Variants in LAMC3 observed in about 807,000 individuals in gnomAD.
LAMC3 encodes the protein laminin subunit gamma 3.
LAMC3 carries 128 observed loss-of-function variants against 173.8 expected under a neutral mutation model. That is an observed-to-expected ratio of 0.74 (90% CI 0.64 to 0.85). The LOEUF is 0.85. Among genes scored for constraint, LAMC3 ranks in the 40% least tolerant of loss-of-function variants. LAMC3 has a pLI of 0.00. For synonymous variants in LAMC3, 897 were observed against 909.1 expected (o/e 0.99, Z 0.24); for missense variants, 2,022 against 2,156.0 (o/e 0.94, Z 1.23).
intron 11 of LAMC3, 30 bp downstream of exon 11, chr9:131,052,995 C>T (rs1337013143): frequency 2.0e-6 from 3 of 1,509,332 alleles, no homozygotes; most frequent in Non-Finnish European, 2.8e-6. Flanking sequence ...TGCCCAAGAC[C>T]CGAGTGCTTG....
intron 11 of LAMC3, among the ~76,000 whole-genome samples, chr9:131,054,013 A>C (rs1834349552): frequency 9.3e-6 from 1 of 107,074 alleles, no homozygotes; most frequent in African/African-American, 2.6e-5. Context: ...TAAAAAAAAA[A>C]AAACAAAACA....
chr9:131,030,485 C>A (rs191844580), intron 2 of LAMC3, among the ~76,000 whole-genome samples: 26 of 152,314 alleles, frequency 1.7e-4, no homozygotes, highest in African/African-American at 6.3e-4. Context: ...GGCAGACCAG[C>A]CTCGTGGTTA....
chr9:131,070,367 A>G (rs1033163786), intron 17 of LAMC3, among the ~76,000 whole-genome samples: 17 of 152,216 alleles, frequency 1.1e-4, no homozygotes, highest in African/African-American at 4.1e-4. Flanking sequence ...CCTTTTCTAG[A>G]AACCAGTGGG....
At chr9:131,050,594 C>T (rs573249729) in intron 9 of LAMC3, among the ~76,000 whole-genome samples, 26 of 152,106 alleles carry the variant, frequency 1.7e-4, no homozygotes, top group African/African-American at 3.4e-4. Flanking sequence ...GGTGAAACCT[C>T]GTCTCTACTA....
intron 7 of LAMC3, among the ~76,000 whole-genome samples, chr9:131,043,268 G>A (rs73550448): frequency 0.022 from 3,350 of 152,332 alleles, 124 homozygotes; most frequent in African/African-American, 0.077. Context: ...CCAAGCTCCA[G>A]CAGTGCGGCC....
At position 131,036,203 on chromosome 9, in the gene LAMC3, G is replaced by A. The variant is rs764097156; in HGVS notation, c.847G>A (p.Asp283Asn). 2.7e-5 allele frequency: 43 copies of A among 1,612,790 alleles called. No homozygotes were observed. The highest frequency in any genetic ancestry group is 2.5e-4 in the Admixed American group (15 of 59,996). ...CGGGCATGCCAGCGAGTGCGGCCCC[G>A]ACGTGGCAGGCCAGTTGGCCTGCCG... ...CNGHASECGPDVAGQLACRCQ... is the reference protein window; with the variant it reads ...CNGHASECGPNVAGQLACRCQ... The change falls in exon 4 of 28, where the codon GAC becomes AAC. Residue 283 changes from aspartate to asparagine, a missense_variant. Physicochemically the swap from Asp to Asn is conservative, Grantham distance 23. Coordinates refer to ENST00000361069, the MANE Select transcript of LAMC3 (RefSeq NM_006059.4).
At chr9:131,044,585 G>C (rs2133265876) in intron 7 of LAMC3, among the ~76,000 whole-genome samples, 1 of 152,322 alleles carries the variant, frequency 6.6e-6, no homozygotes, top group South Asian at 2.1e-4. Flanking sequence ...GGACCGTGGT[G>C]ATTGCACAGT....
At chr9:131,015,456 C>T (rs1430478745) in intron 1 of LAMC3, among the ~76,000 whole-genome samples, 1 of 152,144 alleles carries the variant, frequency 6.6e-6, no homozygotes, top group East Asian at 1.9e-4. Flanking sequence ...TTCCCCAGCT[C>T]ATGCCCTGGC....
At chr9:131,081,461 C>CCCTTCCTT (rs1167208892) in intron 23 of LAMC3, among the ~76,000 whole-genome samples, 4 of 144,318 alleles carry the variant, frequency 2.8e-5, no homozygotes, top group Non-Finnish European at 6.1e-5. Flanking sequence ...CTCCCTCCCT[C>CCCTTCCTT]CCTTCCTTCC....
intron 23 of LAMC3, among the ~76,000 whole-genome samples, chr9:131,081,592 TC>T (rs1453940961): frequency 4.6e-5 from 7 of 151,936 alleles, no homozygotes; most frequent in Admixed American, 2.0e-4. Flanking sequence ...CGCCTCAGCC[TC>T]CCCCAGTAGC....
At position 131,069,802 on chromosome 9, in the gene LAMC3, C is replaced by T. The variant is rs1287327402; in HGVS notation, c.3021C>T (p.Gly1007=). 1.3e-6 allele frequency: 2 copies of T among 1,594,374 alleles called. No homozygotes were observed. The highest frequency in any genetic ancestry group is 1.7e-6 in the Non-Finnish European group (2 of 1,170,384). The change falls in exon 17 of 28, where the codon GGC becomes GGT. Residue 1007 remains glycine, a synonymous_variant. Transcript: ENST00000361069. ...CHDNFFLTAD[G]THCQQCPSCY... ...ACAACTTCTTCCTCACGGCAGACGG[C>T]ACACACTGCCAGCAATGTCCGTCCT... is the stretch of plus-strand genomic sequence containing the variant.
At chr9:131,039,855 C>CGA (rs773424458) in intron 6 of LAMC3, among the ~76,000 whole-genome samples, 12 of 151,646 alleles carry the variant, frequency 7.9e-5, no homozygotes, top group Non-Finnish European at 1.3e-4. Flanking sequence ...CTGGGTGCAC[C>CGA]GAGTTTGGTA....
chr9:131,048,389 T>G (rs1834216511), intron 8 of LAMC3, among the ~76,000 whole-genome samples: 1 of 152,094 alleles, frequency 6.6e-6, no homozygotes, highest in African/African-American at 2.4e-5. Context: ...GTCTGCAAAC[T>G]TCTCTTCATG....
rs12551970 is a variant in LAMC3, at chr9:131,067,485, G to A, written c.2593+280G>A. 0.74 allele frequency among the ~76,000 whole-genome samples: 112,580 copies of A among 152,010 alleles called. 42,802 individuals are homozygous for A. Among genetic ancestry groups the A allele is most frequent in the Non-Finnish European group, 0.83 (56,239 of 67,944 alleles). On this transcript the variant is annotated intron_variant, in intron 14 of 27. Transcript: ENST00000361069. Reference sequence around the variant, plus strand: ...TTACCTCCCACTCTGCAGTCAGCACGTATGGCTGACCCGGTGATCGCCCTG... The same window carrying A: ...TTACCTCCCACTCTGCAGTCAGCACATATGGCTGACCCGGTGATCGCCCTG...
chr9:131,015,546 G>A (rs1335874050), intron 1 of LAMC3, among the ~76,000 whole-genome samples: 5 of 152,186 alleles, frequency 3.3e-5, no homozygotes, highest in Admixed American at 6.5e-5. Context: ...CTGAGCCCTC[G>A]ACTGGGTAAT....
At chr9:131,013,859 C>T (rs1833469404) in intron 1 of LAMC3, among the ~76,000 whole-genome samples, 1 of 152,098 alleles carries the variant, frequency 6.6e-6, no homozygotes, top group African/African-American at 2.4e-5. Context: ...CCTGAGGGGT[C>T]CTGGAGCCAG....
chr9:131,049,942 A>G (rs1403270039), intron 9 of LAMC3, among the ~76,000 whole-genome samples: 3 of 152,078 alleles, frequency 2.0e-5, no homozygotes, highest in Non-Finnish European at 2.9e-5. Flanking sequence ...CTGATTCAGG[A>G]CCTGCCAGCA....
chr9:131,065,345 G>C (rs1207127004), intron 13 of LAMC3, among the ~76,000 whole-genome samples: 1 of 152,150 alleles, frequency 6.6e-6, no homozygotes, highest in African/African-American at 2.4e-5. Context: ...GAGCCAGAAA[G>C]CCCAGGTCAA....
At chr9:131,076,900 A>T (rs957902873) in intron 21 of LAMC3, among the ~76,000 whole-genome samples, 2 of 152,216 alleles carry the variant, frequency 1.3e-5, no homozygotes, top group Non-Finnish European at 2.9e-5. Flanking sequence ...AAACATTTGC[A>T]AACATGTGAT....
Sources: allele counts gnomAD v4.1 joint callset (sites outside exome capture counted in the v4.1 genomes callset), GRCh38; gene constraint gnomAD v4.1.1; transcripts MANE v1.5; gene names NCBI Gene and HGNC (gene_info 2026-07-23, HGNC 2026-07-21).